Variants in ASB1 observed in about 807,000 individuals in gnomAD.
ASB1 encodes the protein ankyrin repeat and SOCS box protein 1.
ASB1 carries 18 observed loss-of-function variants against 27.7 expected under a neutral mutation model. That is an observed-to-expected ratio of 0.65 (90% CI 0.45 to 0.96). The LOEUF (loss-of-function observed/expected upper bound fraction) is 0.96. ASB1 is among the 50% of genes least tolerant of loss of function. ASB1 has a pLI of 0.00. For missense variants in ASB1, 397 were observed against 451.7 expected, an observed-to-expected ratio of 0.88 and a Z score of 1.10; for synonymous variants, 189 against 187.6, an observed-to-expected ratio of 1.01 and a Z score of -0.06.
At chr2:238,428,193 C>T (rs1701798786) in intron 1 of ASB1, among the ~76,000 whole-genome samples, 4 of 152,212 alleles carry the variant, frequency 2.6e-5, no homozygotes, top group Admixed American at 2.6e-4. Flanking sequence ...GAGTGAGAGA[C>T]GGAATGATGC....
chr2:238,434,012 C>T (rs528638895), intron 2 of ASB1, among the ~76,000 whole-genome samples: 27 of 152,296 alleles, frequency 1.8e-4, no homozygotes, highest in Admixed American at 9.1e-4. Context: ...TCTTCAGTGG[C>T]GGCCCTGCCC....
rs1483874193 is a variant in ASB1, at chr2:238,450,030, A to G, written c.*3519A>G. On this transcript the variant is annotated 3_prime_UTR_variant, in exon 5 of 5. Coordinates refer to ENST00000264607, the MANE Select transcript of ASB1 (RefSeq NM_001040445.3). ...AGGCTTCCTGCTGTGCCTTTCTGGC[A>G]GGGTTTTGTGGGGTCACATGGGAAG... 1.3e-5 allele frequency: 2 copies of G among 152,280 alleles called. No individual in the cohort carries two copies. The highest frequency in any genetic ancestry group is 2.4e-5 in the African/African-American group (1 of 41,466). 9.4% of individuals were successfully genotyped at this position (152,280 alleles called of 1,614,324 possible). A position where few individuals can be genotyped will look rare whatever the true frequency, so the allele number is the denominator to read the frequency against.
At chr2:238,433,487 G>A (rs1701908284) in intron 1 of ASB1, 67 bp from the exon 2 acceptor site, 7 of 1,575,472 alleles carry the variant, frequency 4.4e-6, no homozygotes, top group Admixed American at 3.5e-5. Flanking sequence ...GCTGCAGATG[G>A]CACCCCCTTT....
chr2:238,444,979 C>CT (rs34563680), intron 4 of ASB1, among the ~76,000 whole-genome samples: 51,401 of 117,830 alleles, frequency 0.44, 13,010 homozygotes, highest in Middle Eastern at 0.58. Context: ...CTCGCGCTCT[C>CT]TTTTTTTTTT....
chr2:238,443,471 C>T (rs1702117169), intron 3 of ASB1, among the ~76,000 whole-genome samples: 1 of 151,958 alleles, frequency 6.6e-6, no homozygotes, highest in Non-Finnish European at 1.5e-5. Flanking sequence ...AAATTTTTAC[C>T]TCTTATTTTC....
Position 238,450,985 on chromosome 2 carries a change from T to C in ASB1, c.*4474T>C, listed in dbSNP as rs982715316. 4 of 151,354 alleles carry C rather than the reference T, an allele frequency of 2.6e-5. No individual in the cohort carries two copies. The highest frequency in any genetic ancestry group is 9.8e-5 in the African/African-American group (4 of 40,998). 9.4% of individuals were successfully genotyped at this position (151,354 alleles called of 1,614,324 possible). On this transcript the variant is annotated 3_prime_UTR_variant, in exon 5 of 5. Coordinates refer to ENST00000264607, the MANE Select transcript of ASB1 (RefSeq NM_001040445.3). The stretch of plus-strand genomic sequence containing the variant: ...ACCTCCTTTCTCACTTATGCCTCAC[T>C]CCCCTCCTCCCGCTCCAAACCCGAA...
intron 1 of ASB1, among the ~76,000 whole-genome samples, chr2:238,429,007 G>A (rs1264835297): frequency 6.6e-6 from 1 of 152,140 alleles, no homozygotes; most frequent in Non-Finnish European, 1.5e-5. Context: ...GACTGGGGTG[G>A]TGGCTTAAAG....
chr2:238,444,775 T>A (rs764327415), intron 4 of ASB1, 48 bp downstream of exon 4: 11 of 1,518,146 alleles, frequency 7.2e-6, no homozygotes, highest in Middle Eastern at 2.0e-4. Context: ...GTTGATTGAA[T>A]GAATCAAGAT....
Position 238,446,504 on chromosome 2 carries a change from A to G in ASB1, c.1001A>G (p.His334Arg). 6.2e-7 allele frequency: 1 copy of G among 1,613,950 alleles called. No individual in the cohort carries two copies. The highest frequency in any genetic ancestry group is 1.1e-5 in the South Asian group (1 of 91,076). Reference protein sequence around the residue: ...LPDPIKKFLLHE With the variant: ...LPDPIKKFLLRE ...GACCCCATAAAGAAGTTTCTACTCC[A>G]TGAGTAGACTCCAAGTGCTGCGGTT... The change falls in exon 5 of 5, where the codon CAT becomes CGT. Residue 334 changes from histidine (H) to arginine (R), a missense_variant. Transcript: ENST00000264607.
intron 2 of ASB1, among the ~76,000 whole-genome samples, chr2:238,434,237 C>T (rs915661420): frequency 1.3e-5 from 2 of 152,244 alleles, no homozygotes; most frequent in African/African-American, 4.8e-5. Context: ...CAAACTCTGC[C>T]TGTCCCCACA....
At chr2:238,432,161 G>A (rs1319245516) in intron 1 of ASB1, among the ~76,000 whole-genome samples, 1 of 152,154 alleles carries the variant, frequency 6.6e-6, no homozygotes, top group Non-Finnish European at 1.5e-5. Context: ...ATTCTGATGA[G>A]TGTTCTGTTA....
At chr2:238,431,063 A>G (rs1701862895) in intron 1 of ASB1, among the ~76,000 whole-genome samples, 1 of 152,252 alleles carries the variant, frequency 6.6e-6, no homozygotes. Context: ...CTTTGACGCT[A>G]GGCATTGCCT....
At chr2:238,442,121 A>T (rs1055055661) in intron 3 of ASB1, among the ~76,000 whole-genome samples, 2 of 142,012 alleles carry the variant, frequency 1.4e-5, no homozygotes, top group African/African-American at 5.2e-5. Context: ...ATCTCTCTAA[A>T]TTTTTTTTTT....
intron 2 of ASB1, among the ~76,000 whole-genome samples, chr2:238,434,067 A>G (rs367651082): frequency 6.6e-6 from 1 of 151,962 alleles, no homozygotes; most frequent in East Asian, 1.9e-4. Context: ...GCTTCTGTAC[A>G]TTCACCCTGC....
chr2:238,436,928 TC>T (rs1166461556), intron 3 of ASB1, among the ~76,000 whole-genome samples: 1 of 152,226 alleles, frequency 6.6e-6, no homozygotes, highest in Non-Finnish European at 1.5e-5. Context: ...TCATAAAAGT[TC>T]CTGCTTACAT....
Position 238,447,587 on chromosome 2 carries a change from G to A in ASB1, c.*1076G>A, listed in dbSNP as rs1280662001. On this transcript the variant is annotated 3_prime_UTR_variant, in exon 5 of 5. Coordinates refer to ENST00000264607, the MANE Select transcript of ASB1 (RefSeq NM_001040445.3). ...TACCCAGGGCTGCACAGCCAGGTGT[G>A]AGGGTCACCGGCAGGTGGGCTGGTG... 6.6e-6 allele frequency: 1 copy of A among 152,270 alleles called. No individual in the cohort carries two copies. The highest frequency in any genetic ancestry group is 1.5e-5 in the Non-Finnish European group (1 of 68,068). The allele number at this position is 152,270 out of a possible 1,614,324, so 9.4% of individuals were successfully genotyped here.
intron 4 of ASB1, 141 bp from the exon 5 acceptor site, chr2:238,446,243 A>G: frequency 1.1e-6 from 1 of 936,028 alleles, no homozygotes; most frequent in Non-Finnish European, 1.6e-6. Flanking sequence ...AAAAGCCATC[A>G]CTTTGTGTTT....
At chr2:238,438,783 A>G (rs1462830006) in intron 3 of ASB1, among the ~76,000 whole-genome samples, 1 of 151,812 alleles carries the variant, frequency 6.6e-6, no homozygotes, top group Non-Finnish European at 1.5e-5. Flanking sequence ...TCTGTAAGTC[A>G]CCTCCATTTT....
At chr2:238,440,070 G>A (rs551464264) in intron 3 of ASB1, among the ~76,000 whole-genome samples, 1 of 152,284 alleles carries the variant, frequency 6.6e-6, no homozygotes, top group African/African-American at 2.4e-5. Context: ...AGCCATCTCT[G>A]TCCTTTTAAC....
Sources: gnomAD v4.1 joint callset for allele counts (sites outside exome capture counted in the v4.1 genomes callset) on GRCh38, gnomAD v4.1.1 for gene constraint, MANE v1.5 for transcripts, NCBI Gene and HGNC (gene_info 2026-07-23, HGNC 2026-07-21) for gene names.